Variants in NCBP1 observed in about 807,000 individuals in gnomAD.
NCBP1 encodes the protein nuclear cap binding protein subunit 1.
A neutral mutation model predicts 111.7 loss-of-function variants in NCBP1; 16 were observed. That is an observed-to-expected ratio of 0.14 (90% CI 0.10 to 0.22). The LOEUF is 0.22. NCBP1 is among the 10% of genes least tolerant of loss of function. The pLI is 1.00. For synonymous variants in NCBP1, 304 were observed against 314.3 expected, an observed-to-expected ratio of 0.97 and a Z score of 0.35; for missense variants, 607 against 957.5, an observed-to-expected ratio of 0.63 and a Z score of 4.83.
chr9:97,650,745 GCTTTA>G, intron 9 of NCBP1, 145 bp downstream of exon 9: 1 of 640,132 alleles, frequency 1.6e-6, no homozygotes, highest in Non-Finnish European at 2.7e-6. Flanking sequence ...AAAAACACTT[GCTTTA>G]CTTTCTCAAG....
intron 1 of NCBP1, among the ~76,000 whole-genome samples, chr9:97,639,982 A>G (rs895343606): frequency 7.2e-5 from 11 of 152,240 alleles, no homozygotes; most frequent in African/African-American, 2.7e-4. Context: ...TAAATAAAGC[A>G]GTTATCAGTA....
intron 1 of NCBP1, among the ~76,000 whole-genome samples, chr9:97,636,279 T>G (rs1827022471): frequency 6.6e-6 from 1 of 151,864 alleles, no homozygotes; most frequent in Admixed American, 6.6e-5. Context: ...AAAAAATAAA[T>G]CTTAGAAGCT....
At chr9:97,669,765 T>TA (rs746019956) in intron 22 of NCBP1, 59 bp downstream of exon 22, 148 of 1,249,514 alleles carry the variant, frequency 1.2e-4, no homozygotes, top group Non-Finnish European at 1.5e-4. Flanking sequence ...GATTTTTCAT[T>TA]AAAAAAAATC....
chr9:97,650,699 T>TTCAAACA, intron 9 of NCBP1, 99 bp downstream of exon 9: 1 of 873,810 alleles, frequency 1.1e-6, no homozygotes, highest in Non-Finnish European at 1.8e-6. Context: ...GAAAATTTTA[T>TTCAAACA]CCTCCTGACT....
chr9:97,645,206 GGAA>G lies in NCBP1; in HGVS notation c.477_479del (p.Glu159del), dbSNP rs758812736. On this transcript the variant is annotated inframe_deletion, in exon 5 of 23. Transcript: ENST00000375147. ...TTGAAAATTTTGTAAGCGTAACTCA[GGAA>G]GAAGATGTACCTCAGGTAAGAGAAC... is the stretch of plus-strand genomic sequence containing the variant. The G allele has an allele frequency of 5.0e-5, 80 of 1,612,426 alleles. No individual in the cohort carries two copies. Among genetic ancestry groups the G allele is most frequent in the Non-Finnish European group, 5.9e-5 (69 of 1,178,806 alleles).
intron 10 of NCBP1, 47 bp downstream of exon 10, chr9:97,651,420 G>A (rs780822294): frequency 6.5e-7 from 1 of 1,541,558 alleles, no homozygotes; most frequent in Non-Finnish European, 8.9e-7. Flanking sequence ...GAATCTTTCT[G>A]TTGGCTTTAA....
Position 97,643,196 on chromosome 9 carries a change from T to TA in NCBP1, c.225-5dup. 1 of 1,576,744 alleles carries TA rather than the reference T, an allele frequency of 6.3e-7. No homozygotes were observed. Among genetic ancestry groups the TA allele is most frequent in the Middle Eastern group, 1.7e-4 (1 of 5,986 alleles). On this transcript the variant is annotated splice_polypyrimidine_tract_variant and splice_region_variant and intron_variant, in intron 3 of 22. Transcript: ENST00000375147. ...GGGTTTTCTTGTTATACTGGGTTCT[T>TA]AAATCAGTGCACGCCTATTACCTGA...
chr9:97,664,502 C>T lies in NCBP1; in HGVS notation c.1901+59C>T, dbSNP rs1297869500. The T allele has an allele frequency of 6.2e-6, 7 of 1,131,466 alleles. No individual in the cohort carries two copies. In the East Asian group the frequency reaches 9.6e-5, roughly 16 times the overall value. The allele number at this position is 1,131,466 out of a possible 1,614,324, so 70.1% of individuals were successfully genotyped here. A position where few individuals can be genotyped will look rare whatever the true frequency, so the allele number is the denominator to read the frequency against. Reference sequence around the variant, plus strand: ...CTAAGAATTGATATATGTGTGGTCTCTTATACATAAGCTTCAAATTCTGGT... The same window carrying T: ...CTAAGAATTGATATATGTGTGGTCTTTTATACATAAGCTTCAAATTCTGGT... On this transcript the variant is annotated intron_variant, in intron 19 of 22. Transcript: ENST00000375147.
intron 8 of NCBP1, 55 bp from the exon 9 acceptor site, chr9:97,650,448 G>T: frequency 7.6e-7 from 1 of 1,324,130 alleles, no homozygotes; most frequent in South Asian, 1.3e-5. Flanking sequence ...TGTTGAATAA[G>T]TAAAAGAAAT....
chr9:97,643,062 C>G, intron 3 of NCBP1, 142 bp from the exon 4 acceptor site: 2 of 752,122 alleles, frequency 2.7e-6, no homozygotes, highest in Non-Finnish European at 4.0e-6. Flanking sequence ...CAATGACATG[C>G]TTTTTCTGAA....
At chr9:97,640,760 C>T in intron 1 of NCBP1, 34 bp from the exon 2 acceptor site, 1 of 1,507,080 alleles carries the variant, frequency 6.6e-7, no homozygotes, top group Non-Finnish European at 9.1e-7. Flanking sequence ...GCAGATTTAT[C>T]ATGTAATGTT....
At chr9:97,650,666 C>T (rs1349999424) in intron 9 of NCBP1, 66 bp downstream of exon 9, 2 of 1,357,094 alleles carry the variant, frequency 1.5e-6, no homozygotes, top group Non-Finnish European at 2.1e-6. Flanking sequence ...TCAGTAAGAG[C>T]AAAATATATG....
chr9:97,670,691 G>C (rs1349451523), intron 22 of NCBP1, among the ~76,000 whole-genome samples: 1 of 152,158 alleles, frequency 6.6e-6, no homozygotes. Context: ...TTCGTTTTCT[G>C]ACTGTTTATC....
chr9:97,664,275 G>T (rs1564028698), intron 18 of NCBP1, 65 bp from the exon 19 acceptor site: 2 of 983,294 alleles, frequency 2.0e-6, no homozygotes, highest in Non-Finnish European at 1.5e-6. Flanking sequence ...GCAGCAGTGT[G>T]GTGGCACATA....
Position 97,668,865 on chromosome 9 carries a change from G to C in NCBP1, c.2036G>C (p.Arg679Thr). 6.2e-7 allele frequency: 1 copy of C among 1,613,228 alleles called. No individual in the cohort carries two copies. The highest frequency in any genetic ancestry group is 8.5e-7 in the Non-Finnish European group (1 of 1,179,664). Reference protein sequence around the residue: ...QHKRRSDDDDRSSDRKDGVLE... With the variant: ...QHKRRSDDDDTSSDRKDGVLE... ...CTATAGCGAAGTGATGATGACGACA[G>C]AAGCAGTGACAGGAAAGACGGGGTT... Residue 679 changes from arginine to threonine, a missense_variant, in exon 21 of 23, where the codon AGA (arginine) becomes ACA (threonine). Coordinates refer to ENST00000375147, the MANE Select transcript of NCBP1 (RefSeq NM_002486.5).
chr9:97,664,808 G>C (rs16923165), intron 19 of NCBP1, among the ~76,000 whole-genome samples: 6,272 of 152,230 alleles, frequency 0.041, 453 homozygotes, highest in African/African-American at 0.14. Flanking sequence ...ATGGCACCTA[G>C]AATGCACACC....
intron 8 of NCBP1, among the ~76,000 whole-genome samples, chr9:97,650,023 A>G (rs990535873): frequency 4.6e-5 from 7 of 152,318 alleles, no homozygotes; most frequent in Middle Eastern, 3.4e-3. Flanking sequence ...CCTGTTTGCT[A>G]TGAATATACT....
chr9:97,644,893 G>A (rs1376448873), intron 4 of NCBP1, among the ~76,000 whole-genome samples: 3 of 152,048 alleles, frequency 2.0e-5, no homozygotes, highest in Admixed American at 2.0e-4. Flanking sequence ...TGAATTTCAT[G>A]TAATTTGTAT....
At chr9:97,648,269 G>C (rs767624723) in intron 8 of NCBP1, 46 bp downstream of exon 8, 8 of 1,554,814 alleles carry the variant, frequency 5.1e-6, no homozygotes, top group Middle Eastern at 3.8e-4. Flanking sequence ...GTGTTGCATT[G>C]TGCTTGTGGG....
Sources: gnomAD v4.1 joint callset for allele counts (sites outside exome capture counted in the v4.1 genomes callset) on GRCh38, gnomAD v4.1.1 for gene constraint, MANE v1.5 for transcripts, NCBI Gene and HGNC (gene_info 2026-07-23, HGNC 2026-07-21) for gene names.